PRDM5: variants seen among roughly 807,000 people sequenced by gnomAD.
The protein encoded by PRDM5 is PR/SET domain 5.
PRDM5 carries 56 observed loss-of-function variants against 81.2 expected under a neutral mutation model. That is an observed-to-expected ratio of 0.69 (90% confidence interval 0.56 to 0.86). PRDM5 has a LOEUF of 0.86. Among genes scored for constraint, PRDM5 ranks in the 40% least tolerant of loss-of-function variants. The pLI, the probability that PRDM5 is intolerant of heterozygous loss-of-function variation, is 0.00. For synonymous variants in PRDM5, 267 were observed against 256.4 expected (o/e 1.04, Z -0.39); for missense variants, 697 against 770.1 (o/e 0.91, Z 1.12).
intron 2 of PRDM5, among the ~76,000 whole-genome samples, chr4:120,902,631 T>C (rs1281746212): frequency 1.3e-5 from 2 of 152,218 alleles, no homozygotes; most frequent in Admixed American, 1.3e-4. Flanking sequence ...GTAATATGCC[T>C]GAGGCCCAAG....
chr4:120,742,750 G>C (rs892457609), intron 14 of PRDM5, among the ~76,000 whole-genome samples: 1 of 152,034 alleles, frequency 6.6e-6, no homozygotes, highest in Non-Finnish European at 1.5e-5. Context: ...AAAGAAACGA[G>C]CAAAGCCTCC....
intron 2 of PRDM5, among the ~76,000 whole-genome samples, chr4:120,884,387 C>T (rs903458784): frequency 3.3e-5 from 5 of 151,994 alleles, no homozygotes; most frequent in African/African-American, 1.2e-4. Context: ...TTTCTCTCTA[C>T]TTGAAACACT....
intron 8 of PRDM5, among the ~76,000 whole-genome samples, chr4:120,809,037 G>T (rs528283635): frequency 1.3e-5 from 2 of 152,234 alleles, no homozygotes; most frequent in African/African-American, 2.4e-5. Context: ...GGGCTGAAAG[G>T]CTCCTCAAGC....
At chr4:120,852,228 TA>T (rs1561489985) in intron 3 of PRDM5, among the ~76,000 whole-genome samples, 1 of 152,192 alleles carries the variant, frequency 6.6e-6, no homozygotes, top group Non-Finnish European at 1.5e-5. Context: ...TGGAATTCAA[TA>T]AAACACGGTT....
intron 8 of PRDM5, among the ~76,000 whole-genome samples, chr4:120,801,025 T>C: frequency 6.6e-6 from 1 of 152,206 alleles, no homozygotes. Context: ...AAAAGAAATG[T>C]ATTACATATC....
intron 7 of PRDM5, 74 bp downstream of exon 7, chr4:120,816,379 G>A (rs767325637): frequency 4.3e-6 from 7 of 1,611,442 alleles, no homozygotes; most frequent in African/African-American, 2.7e-5. Context: ...CCTCAAGAGC[G>A]AGAATTAAAA....
intron 13 of PRDM5, among the ~76,000 whole-genome samples, chr4:120,769,083 C>T (rs1349917612): frequency 3.3e-5 from 5 of 152,114 alleles, no homozygotes; most frequent in Non-Finnish European, 5.9e-5. Flanking sequence ...ATTTTATGGT[C>T]AACTAAATTT....
At chr4:120,812,730 T>C (rs1300664828) in intron 7 of PRDM5, 7 of 370,172 alleles carry the variant, frequency 1.9e-5, no homozygotes, top group Non-Finnish European at 5.1e-6. Context: ...AAATGCTTTC[T>C]TTTTAAATTT....
At chr4:120,891,407 T>C (rs1343677031) in intron 2 of PRDM5, among the ~76,000 whole-genome samples, 1 of 152,172 alleles carries the variant, frequency 6.6e-6, no homozygotes, top group Non-Finnish European at 1.5e-5. Context: ...ATTGTGCTAA[T>C]TTAAATCTTC....
chr4:120,718,710 GT>G (rs1304408016), intron 14 of PRDM5, among the ~76,000 whole-genome samples: 4 of 152,150 alleles, frequency 2.6e-5, no homozygotes, highest in Admixed American at 2.0e-4. Context: ...CACAGATTTG[GT>G]GTGAATTTCT....
intron 8 of PRDM5, among the ~76,000 whole-genome samples, chr4:120,800,041 T>C (rs188131120): frequency 3.1e-4 from 47 of 152,366 alleles, no homozygotes; most frequent in African/African-American, 1.1e-3. Context: ...ACCTAATATA[T>C]AGTAACTCTT....
chr4:120,908,582 T>C (rs1255862641), intron 1 of PRDM5, among the ~76,000 whole-genome samples: 1 of 152,180 alleles, frequency 6.6e-6, no homozygotes, highest in African/African-American at 2.4e-5. Context: ...CAAATATTAA[T>C]AGTTAACCCA....
At chr4:120,717,216 C>T (rs1440740481) in intron 14 of PRDM5, among the ~76,000 whole-genome samples, 1 of 152,160 alleles carries the variant, frequency 6.6e-6, no homozygotes, top group Admixed American at 6.5e-5. Context: ...CATAGTTTAA[C>T]TGACAAATAG....
chr4:120,862,497 GA>G (rs1305853870), intron 2 of PRDM5, among the ~76,000 whole-genome samples: 5 of 152,304 alleles, frequency 3.3e-5, no homozygotes, highest in Non-Finnish European at 5.9e-5. Flanking sequence ...TAAGAGAGCA[GA>G]GAAGAGTGCA....
chr4:120,685,233 TAAG>T (rs1195505680), intron 1 of PRDM5, among the ~76,000 whole-genome samples: 1 of 152,024 alleles, frequency 6.6e-6, no homozygotes, highest in Non-Finnish European at 1.5e-5. Context: ...ATTTTGTTAA[TAAG>T]GAGGTAGGTA....
intron 13 of PRDM5, among the ~76,000 whole-genome samples, chr4:120,771,751 T>C (rs1199482464): frequency 6.6e-6 from 1 of 152,122 alleles, no homozygotes; most frequent in Non-Finnish European, 1.5e-5. Flanking sequence ...TAAATAAACG[T>C]AAGAAGAAAA....
chr4:120,789,203 C>A (rs182213589), intron 10 of PRDM5, among the ~76,000 whole-genome samples: 15 of 152,240 alleles, frequency 9.9e-5, no homozygotes, highest in Non-Finnish European at 1.0e-4. Context: ...TATACCAACT[C>A]TTTTGCAGAT....
chr4:120,692,044 A>C lies in PRDM5; in HGVS notation c.*3067T>G, dbSNP rs958177911. 6.6e-5 allele frequency: 10 copies of C among 152,170 alleles called. No individual in the cohort carries two copies. The East Asian group carries it at 1.9e-3, about 29-fold the overall frequency. 9.4% of individuals were successfully genotyped at this position (152,170 alleles called of 1,614,324 possible). ...TCAATATCAATGGTAAAATTTTAGG[A>C]TTTTAAAGAGGCACATTTCCTCCTA... is the stretch of plus-strand genomic sequence containing the variant. On this transcript the variant is annotated 3_prime_UTR_variant, in exon 16 of 16. Transcript: ENST00000264808.
At chr4:120,769,449 C>T (rs1373106741) in intron 13 of PRDM5, among the ~76,000 whole-genome samples, 3 of 151,950 alleles carry the variant, frequency 2.0e-5, no homozygotes, top group Non-Finnish European at 2.9e-5. Flanking sequence ...TGGAGAAAAG[C>T]GAAAGAAGGC....
Sources: gnomAD v4.1 joint callset for allele counts (sites outside exome capture counted in the v4.1 genomes callset) on GRCh38, gnomAD v4.1.1 for gene constraint, MANE v1.5 for transcripts, NCBI Gene and HGNC (gene_info 2026-07-23, HGNC 2026-07-21) for gene names.